The following DPF3 variants were observed in gnomAD, a reference collection of about 807,000 sequenced individuals.
DPF3 encodes double PHD fingers 3, also known as zinc finger protein DPF3.
A neutral mutation model predicts 56.8 loss-of-function variants in DPF3; 18 were observed. That is an observed-to-expected ratio of 0.32 (90% CI 0.22 to 0.47). The LOEUF is 0.47. Among genes scored for constraint, DPF3 ranks in the 20% least tolerant of loss-of-function variants. The probability of loss-of-function intolerance (pLI) is 1.00; values close to 1 mark genes in which losing one functional copy is unlikely to be tolerated. For synonymous variants in DPF3, 188 were observed against 180.2 expected, an observed-to-expected ratio of 1.04 and a Z score of -0.35; for missense variants, 403 against 488.8, an observed-to-expected ratio of 0.82 and a Z score of 1.65.
Position 72,875,188 on chromosome 14 carries a change from G to A in DPF3, c.32+18869C>T, listed in dbSNP as rs192950466. On this transcript the variant is annotated intron_variant, in intron 1 of 10. Transcript: ENST00000556509. ...CTCTCCCACAACACATGGGAATTCT[G>A]GGAGATCAATGCAAGTTGAGATTTG... Among the ~76,000 whole-genome samples, 8 of 152,236 alleles carry A rather than the reference G, an allele frequency of 5.3e-5. No individual in the cohort carries two copies. In the East Asian group the frequency reaches 1.5e-3, roughly 29 times the overall value.
chr14:72,759,845 A>G (rs1296444186), intron 2 of DPF3, among the ~76,000 whole-genome samples: 1 of 152,196 alleles, frequency 6.6e-6, no homozygotes, highest in African/African-American at 2.4e-5. Context: ...GCAAGCAAGA[A>G]AAGAGTGGTT....
intron 1 of DPF3, among the ~76,000 whole-genome samples, chr14:72,845,778 G>A (rs1470792015): frequency 6.6e-6 from 1 of 152,184 alleles, no homozygotes; most frequent in East Asian, 1.9e-4. Flanking sequence ...AATTGCCAAG[G>A]AAAGTTAAGA....
intron 8 of DPF3, chr14:72,662,242 C>G: frequency 1.0e-6 from 1 of 985,296 alleles, no homozygotes; most frequent in Non-Finnish European, 1.2e-6. Context: ...TTTTAAAAAG[C>G]CTGAGAGAGC....
rs1883707131 is a variant in DPF3 at position 72,611,275 on chromosome 14, GA to G, written c.*8021del. ...TGGCTGTGACACGTGTGGAGAAAAG[GA>G]AAGATGAAACAAACGGTTTATTCCT... is the stretch of plus-strand genomic sequence containing the variant. On this transcript the variant is annotated 3_prime_UTR_variant, in exon 11 of 11. Coordinates refer to ENST00000556509, the MANE Select transcript of DPF3 (RefSeq NM_001280542.3). 6.6e-6 allele frequency among the ~76,000 whole-genome samples: 1 copy of G among 152,242 alleles called. No individual in the cohort carries two copies. Among genetic ancestry groups the G allele is most frequent in the South Asian group, 2.1e-4 (1 of 4,832 alleles).
At chr14:72,817,822 T>C (rs1883354938) in intron 1 of DPF3, among the ~76,000 whole-genome samples, 1 of 152,218 alleles carries the variant, frequency 6.6e-6, no homozygotes, top group South Asian at 2.1e-4. Context: ...AAATGAATAA[T>C]AGTTAACATT....
chr14:72,713,086 G>A (rs1245804579), intron 6 of DPF3, among the ~76,000 whole-genome samples: 2 of 152,174 alleles, frequency 1.3e-5, no homozygotes, highest in Non-Finnish European at 2.9e-5. Flanking sequence ...GAGTGAAACT[G>A]AACGCCATGT....
chr14:72,814,224 A>C (rs1230019557), intron 1 of DPF3, among the ~76,000 whole-genome samples: 1 of 152,100 alleles, frequency 6.6e-6, no homozygotes, highest in Non-Finnish European at 1.5e-5. Context: ...TCCCTCCTTC[A>C]TGAAGATGAT....
intron 1 of DPF3, among the ~76,000 whole-genome samples, chr14:72,888,505 C>T (rs1314358446): frequency 6.6e-6 from 1 of 152,166 alleles, no homozygotes. Flanking sequence ...GTCACTCAAA[C>T]AACTAGAAAA....
intron 8 of DPF3, chr14:72,662,522 G>T (rs191966821): frequency 2.7e-5 from 27 of 984,904 alleles, no homozygotes; most frequent in Non-Finnish European, 3.3e-5. Flanking sequence ...AATTCCAGGC[G>T]GACCTGGGTA....
In DPF3 at chr14:72,617,395, A is replaced by G. The variant is rs113994360; in HGVS notation, c.*1902T>C. ...AGAGAGAGCTGGAGTAGTCAGGAGA[A>G]AAAATGTGCCCCTCTGATGGAATGT... is the stretch of plus-strand genomic sequence containing the variant. On this transcript the variant is annotated 3_prime_UTR_variant, in exon 11 of 11. Transcript: ENST00000556509. Among the ~76,000 whole-genome samples, 3,675 of 152,246 alleles carry G rather than the reference A, an allele frequency of 0.024. 159 individuals carry two copies. The highest frequency in any genetic ancestry group is 0.085 in the African/African-American group (3,511 of 41,522).
In DPF3 at chr14:72,807,967, A is replaced by AAAC. The variant is rs377539111; in HGVS notation, c.33-36077_33-36075dup. Among the ~76,000 whole-genome samples, 978 of 152,102 alleles carry AAAC rather than the reference A, an allele frequency of 6.4e-3. 11 individuals are homozygous for AAAC. The highest frequency in any genetic ancestry group is 0.022 in the African/African-American group (902 of 41,482). The stretch of plus-strand genomic sequence containing the variant: ...GCGACAGAGCAAGAACCTGTCTCTA[A>AAAC]AACAACAACAACAACAACAACAAGT... On this transcript the variant is annotated intron_variant, in intron 1 of 10. Transcript: ENST00000556509.
intron 2 of DPF3, among the ~76,000 whole-genome samples, chr14:72,766,532 G>T (rs1045078113): frequency 6.6e-6 from 1 of 152,194 alleles, no homozygotes; most frequent in Non-Finnish European, 1.5e-5. Context: ...GCTCACTGCA[G>T]CCTCAAACTC....
chr14:72,738,360 T>C (rs1889985266), intron 3 of DPF3, among the ~76,000 whole-genome samples: 1 of 151,974 alleles, frequency 6.6e-6, no homozygotes, highest in Non-Finnish European at 1.5e-5. Context: ...AGGATATCCA[T>C]ATAACAGGAG....
intron 1 of DPF3, among the ~76,000 whole-genome samples, chr14:72,847,658 C>T (rs1273990401): frequency 2.0e-5 from 3 of 151,952 alleles, no homozygotes; most frequent in African/African-American, 4.8e-5. Flanking sequence ...ATTACAGGCA[C>T]GTACCACCAT....
chr14:72,859,797 T>C (rs556253240), intron 1 of DPF3, among the ~76,000 whole-genome samples: 1 of 152,126 alleles, frequency 6.6e-6, no homozygotes, highest in African/African-American at 2.4e-5. Context: ...CAACTATAAA[T>C]GTTATCTCCC....
intron 1 of DPF3, among the ~76,000 whole-genome samples, chr14:72,816,236 C>A (rs1273847149): frequency 6.6e-6 from 1 of 152,186 alleles, no homozygotes; most frequent in African/African-American, 2.4e-5. Flanking sequence ...GAACCCTGGG[C>A]CTCCCCACCT....
chr14:72,818,653 G>A (rs892260913), intron 1 of DPF3, among the ~76,000 whole-genome samples: 1 of 152,120 alleles, frequency 6.6e-6, no homozygotes, highest in Non-Finnish European at 1.5e-5. Context: ...CTCCAGTGTG[G>A]GCAACAAAGA....
intron 1 of DPF3, among the ~76,000 whole-genome samples, chr14:72,787,056 C>T (rs1303495768): frequency 6.6e-6 from 1 of 152,250 alleles, no homozygotes; most frequent in African/African-American, 2.4e-5. Context: ...TTTTCTCTGT[C>T]AAAGGCGATG....
At chr14:72,845,302 C>CCTAGA (rs1884706177) in intron 1 of DPF3, among the ~76,000 whole-genome samples, 1 of 152,102 alleles carries the variant, frequency 6.6e-6, no homozygotes, top group African/African-American at 2.4e-5. Flanking sequence ...GGATGAAAAC[C>CCTAGA]CTAGACTATG....
Sources: allele counts gnomAD v4.1 joint callset (sites outside exome capture counted in the v4.1 genomes callset), GRCh38; gene constraint gnomAD v4.1.1; transcripts MANE v1.5; gene names NCBI Gene and HGNC (gene_info 2026-07-23, HGNC 2026-07-21).